The following ADGRB3 variants were observed in gnomAD, a reference collection of about 807,000 sequenced individuals.
The protein encoded by ADGRB3 is adhesion G protein-coupled receptor B3, also known as brain-specific angiogenesis inhibitor 3.
ADGRB3 carries 37 observed loss-of-function variants against 193.4 expected under a neutral mutation model. That is an observed-to-expected ratio of 0.19 (90% CI 0.15 to 0.25). The LOEUF is 0.25. Among genes scored for constraint, ADGRB3 ranks in the 10% least tolerant of loss-of-function variants. The pLI, the probability that ADGRB3 is intolerant of heterozygous loss-of-function variation, is 1.00. For synonymous variants in ADGRB3, 690 were observed against 644.2 expected (o/e 1.07, Z -1.08); for missense variants, 1,637 against 1,852.9 (o/e 0.88, Z 2.14).
chr6:68,666,177 G>A (rs1207843524), intron 3 of ADGRB3, among the ~76,000 whole-genome samples: 1 of 151,842 alleles, frequency 6.6e-6, no homozygotes, highest in African/African-American at 2.4e-5. Context: ...ACATTTTGAT[G>A]TATTAGCTCA....
At chr6:68,749,841 G>C (rs1766161523) in intron 3 of ADGRB3, among the ~76,000 whole-genome samples, 1 of 151,970 alleles carries the variant, frequency 6.6e-6, no homozygotes, top group South Asian at 2.1e-4. Flanking sequence ...GTATATTGAT[G>C]GTCATATTGA....
intron 17 of ADGRB3, among the ~76,000 whole-genome samples, chr6:69,105,751 C>T (rs1773188995): frequency 6.6e-6 from 1 of 152,146 alleles, no homozygotes; most frequent in Non-Finnish European, 1.5e-5. Context: ...GAGTAGCATG[C>T]CCAAGGCTAC....
chr6:69,235,512 A>G (rs996971963), intron 19 of ADGRB3, among the ~76,000 whole-genome samples: 2 of 152,038 alleles, frequency 1.3e-5, no homozygotes, highest in African/African-American at 4.8e-5. Flanking sequence ...AAATTAATTT[A>G]TCTGTTATAA....
chr6:68,680,513 C>G (rs1764876219), intron 3 of ADGRB3, among the ~76,000 whole-genome samples: 1 of 152,070 alleles, frequency 6.6e-6, no homozygotes, highest in Non-Finnish European at 1.5e-5. Flanking sequence ...TCTATTTGAA[C>G]TGTGGTAGAG....
chr6:68,791,883 G>A (rs940797174), intron 3 of ADGRB3, among the ~76,000 whole-genome samples: 2 of 152,128 alleles, frequency 1.3e-5, no homozygotes, highest in African/African-American at 2.4e-5. Flanking sequence ...GCAAATCTAA[G>A]TTGTGGCTTG....
chr6:68,677,751 TC>T (rs1769131687), intron 3 of ADGRB3, among the ~76,000 whole-genome samples: 1 of 152,004 alleles, frequency 6.6e-6, no homozygotes, highest in African/African-American at 2.4e-5. Flanking sequence ...ACTCCTGATC[TC>T]ATGATCCAAC....
chr6:68,760,792 A>G (rs189347167), intron 3 of ADGRB3, among the ~76,000 whole-genome samples: 1 of 152,278 alleles, frequency 6.6e-6, no homozygotes, highest in East Asian at 1.9e-4. Flanking sequence ...GCTAGATTCA[A>G]TGTCCAATTA....
chr6:69,166,024 T>G (rs1460722538), intron 17 of ADGRB3, among the ~76,000 whole-genome samples: 1 of 152,154 alleles, frequency 6.6e-6, no homozygotes, highest in Non-Finnish European at 1.5e-5. Flanking sequence ...AACCATTTAC[T>G]GAGCACTGAC....
intron 17 of ADGRB3, among the ~76,000 whole-genome samples, chr6:69,105,636 A>G (rs778062118): frequency 1.3e-5 from 2 of 152,172 alleles, no homozygotes; most frequent in African/African-American, 4.8e-5. Flanking sequence ...CTATTGCTTC[A>G]GGCTTTTATA....
chr6:69,241,304 A>G (rs1044318791), intron 20 of ADGRB3, among the ~76,000 whole-genome samples: 6 of 151,972 alleles, frequency 3.9e-5, no homozygotes, highest in Admixed American at 2.0e-4. Context: ...TTTAATATAT[A>G]CTATTTACCT....
At chr6:69,138,142 AG>A (rs1475691423) in intron 17 of ADGRB3, among the ~76,000 whole-genome samples, 2 of 152,232 alleles carry the variant, frequency 1.3e-5, no homozygotes, top group Non-Finnish European at 2.9e-5. Context: ...CTTAACTTCA[AG>A]AAAGAAGCCT....
At chr6:69,334,787 A>G (rs1466048329) in intron 24 of ADGRB3, among the ~76,000 whole-genome samples, 1 of 152,188 alleles carries the variant, frequency 6.6e-6, no homozygotes, top group Admixed American at 6.5e-5. Flanking sequence ...GGGACTCTTT[A>G]GTGGTTAAGA....
At chr6:69,304,408 T>C (rs1768020252) in intron 20 of ADGRB3, among the ~76,000 whole-genome samples, 1 of 151,588 alleles carries the variant, frequency 6.6e-6, no homozygotes, top group Non-Finnish European at 1.5e-5. Context: ...TTAAAAGTTC[T>C]CTCCTTTCCT....
chr6:68,829,854 C>T (rs551898525), intron 3 of ADGRB3, among the ~76,000 whole-genome samples: 2 of 151,796 alleles, frequency 1.3e-5, no homozygotes, highest in African/African-American at 4.8e-5. Flanking sequence ...ATAGAAAATG[C>T]TCTAAATGGA....
intron 3 of ADGRB3, among the ~76,000 whole-genome samples, chr6:68,681,694 A>C (rs1031843243): frequency 6.6e-6 from 1 of 151,576 alleles, no homozygotes; most frequent in African/African-American, 2.4e-5. Context: ...AAGTCTCTAC[A>C]CAAGCAAATC....
rs558782440 is a variant in ADGRB3, at chr6:69,172,518, C to T, written c.2481-60772C>T. ...AATTAGCCAGGCATGGTGGCGGGTGCCTGTAGTCCCAGCTGCTCGGGAGGC... is the reference window on the plus strand; with the variant it reads ...AATTAGCCAGGCATGGTGGCGGGTGTCTGTAGTCCCAGCTGCTCGGGAGGC... On this transcript the variant is annotated intron_variant, in intron 17 of 31. Coordinates refer to ENST00000370598, the MANE Select transcript of ADGRB3 (RefSeq NM_001704.3). Among the ~76,000 whole-genome samples the T allele has an allele frequency of 9.3e-4, 141 of 151,226 alleles. No individual in the cohort carries two copies. The South Asian group carries it at 0.012, about 13-fold the overall frequency.
At chr6:69,155,322 A>G (rs144755358) in intron 17 of ADGRB3, among the ~76,000 whole-genome samples, 1 of 152,366 alleles carries the variant, frequency 6.6e-6, no homozygotes, top group Admixed American at 6.5e-5. Context: ...ATCTACATCT[A>G]CATTTTGGTA....
At chr6:69,254,104 AC>A (rs1290540456) in intron 20 of ADGRB3, among the ~76,000 whole-genome samples, 1 of 152,180 alleles carries the variant, frequency 6.6e-6, no homozygotes, top group East Asian at 1.9e-4. Context: ...CCAAGCAAAC[AC>A]CCTTTAACTT....
At chr6:69,066,204 G>T (rs540419472) in intron 16 of ADGRB3, among the ~76,000 whole-genome samples, 7 of 150,848 alleles carry the variant, frequency 4.6e-5, no homozygotes, top group Admixed American at 2.6e-4. Flanking sequence ...TTATATATAT[G>T]CATGTATACA....
Sources: gnomAD v4.1 joint callset for allele counts (sites outside exome capture counted in the v4.1 genomes callset) on GRCh38, gnomAD v4.1.1 for gene constraint, MANE v1.5 for transcripts, NCBI Gene and HGNC (gene_info 2026-07-23, HGNC 2026-07-21) for gene names.